MIA: variants seen among roughly 807,000 people sequenced by gnomAD.
MIA encodes the protein MIA SH3 domain containing.
MIA carries 18 observed loss-of-function variants against 18.5 expected under a neutral mutation model. The observed-to-expected ratio is 0.97, with a 90% CI of 0.67 to 1.44. The LOEUF is 1.44. Among genes scored for constraint, MIA ranks in the 40% most tolerant of loss-of-function variants. The pLI is 0.00. For missense variants in MIA, 158 were observed against 172.4 expected (o/e 0.92, Z 0.47); for synonymous variants, 55 against 64.9 (o/e 0.85, Z 0.74).
chr19:40,775,439 G>C, upstream of MIA: 3 of 1,567,464 alleles, frequency 1.9e-6, no homozygotes, highest in Non-Finnish European at 2.6e-6. Context: ...TTAGGGCGGG[G>C]ACAAGACCAA....
At position 40,775,562 on chromosome 19, in the gene MIA, G is replaced by A; in HGVS notation, c.20G>A (p.Cys7Tyr). The A allele has an allele frequency of 6.2e-7, 1 of 1,614,192 alleles. No homozygotes were observed. Among genetic ancestry groups the A allele is most frequent in the Non-Finnish European group, 8.5e-7 (1 of 1,180,030 alleles). MARSLV[C>Y]LGVIILLSAF... ...TCCACGATGGCCCGGTCCCTGGTGT[G>A]CCTTGGTGTCATCATCTTGCTGTCT... The change falls in exon 1 of 4, where the codon TGC becomes TAC. Residue 7 changes from cysteine (C) to tyrosine (Y), a missense_variant. Transcript: ENST00000263369.
intron 3 of MIA, 26 bp downstream of exon 3, chr19:40,777,105 A>C: frequency 1.3e-6 from 2 of 1,582,936 alleles, no homozygotes; most frequent in Non-Finnish European, 1.7e-6. Context: ...GCTGGCAAGA[A>C]ATGTGGGGGG....
chr19:40,776,678 G>A (rs562537892), intron 2 of MIA: 70 of 240,444 alleles, frequency 2.9e-4, no homozygotes, highest in African/African-American at 1.3e-3. Flanking sequence ...AGAAGTTGAG[G>A]CTGCAGTGAG....
chr19:40,775,180 C>T (rs2082987203), upstream of MIA: 1 of 201,480 alleles, frequency 5.0e-6, no homozygotes, highest in Admixed American at 5.4e-5. Flanking sequence ...TCCTCCGCTT[C>T]TGTGGCCAGA....
intron 2 of MIA, 130 bp from the exon 3 acceptor site, chr19:40,776,839 T>G (rs557574392): frequency 5.4e-5 from 34 of 630,874 alleles, no homozygotes; most frequent in Middle Eastern, 5.8e-4. Flanking sequence ...AGGTGGCATT[T>G]AAGCTGAGAT....
At chr19:40,775,967 G>C (rs2082993132) in intron 2 of MIA, 82 bp downstream of exon 2, 2 of 1,514,780 alleles carry the variant, frequency 1.3e-6, no homozygotes, top group African/African-American at 2.8e-5. Context: ...ATTTGAGGGG[G>C]GTGAACTGAA....
chr19:40,775,629 G>T lies in MIA; in HGVS notation c.87G>T (p.Lys29Asn). 1 of 1,614,174 alleles carries T rather than the reference G, an allele frequency of 6.2e-7. No individual in the cohort carries two copies. The highest frequency in any genetic ancestry group is 1.1e-5 in the South Asian group (1 of 91,086). The change falls in exon 1 of 4, where the codon AAG becomes AAT. Residue 29 changes from lysine to asparagine, a missense_variant. Physicochemically the swap from Lys to Asn is moderately conservative, Grantham distance 94. Coordinates refer to ENST00000263369, the MANE Select transcript of MIA (RefSeq NM_006533.4). ...GPGVRGGPMP[K>N]LADRKLCADQ... ...GTGTCAGGGGTGGTCCTATGCCCAA[G>T]CTGGCTGACCGGAAGCTGTGTGCGG... is the stretch of plus-strand genomic sequence containing the variant.
chr19:40,776,590 A>T (rs990947988), intron 2 of MIA, among the ~76,000 whole-genome samples: 7 of 152,048 alleles, frequency 4.6e-5, no homozygotes, highest in South Asian at 2.1e-4. Context: ...AAAAAAATTT[A>T]AAATTAACTG....
rs1012213560 is a variant in MIA, at chr19:40,777,332, C to A, written c.373-65C>A. On this transcript the variant is annotated intron_variant, in intron 3 of 3. Transcript: ENST00000263369. ...CCTGCAGCTGCAGCCTTTGCTAAAA[C>A]CACTAGATCCTTTGTGGTGTGACCG... 7.6e-6 allele frequency: 12 copies of A among 1,587,832 alleles called. No homozygotes were observed. In the African/African-American group the frequency reaches 1.3e-4, roughly 18 times the overall value.
chr19:40,777,080 G>T lies in MIA; in HGVS notation c.372+1G>T. ...TGGCAAAGTCGATGTGAAGACAGAC[G>T]TGAGTGTCATGGGGGCTGGCAAGAA... On this transcript the variant is annotated splice_donor_variant, in intron 3 of 3. Transcript: ENST00000263369. LOFTEE classifies it high-confidence loss of function. 6.2e-7 allele frequency: 1 copy of T among 1,610,296 alleles called. No homozygotes were observed. The highest frequency in any genetic ancestry group is 8.5e-7 in the Non-Finnish European group (1 of 1,178,064).
rs745398952 is a variant in MIA at position 40,775,796 on chromosome 19, G to T, written c.172G>T (p.Asp58Tyr). 1.4e-5 allele frequency: 23 copies of T among 1,613,902 alleles called. No individual in the cohort carries two copies. The highest frequency in any genetic ancestry group is 1.9e-5 in the Non-Finnish European group (22 of 1,180,024). The change falls in exon 2 of 4, where the codon GAC (aspartate) becomes TAC (tyrosine). Residue 58 changes from aspartate to tyrosine, a missense_variant. Transcript: ENST00000263369. Reference protein sequence around the residue: ...AVALQDYMAPDCRFLTIHRGQ... With the variant: ...AVALQDYMAPYCRFLTIHRGQ... ...GGCCCTTCAGGACTACATGGCCCCC[G>T]ACTGCCGATTCCTGACCATTCACCG...
intron 2 of MIA, among the ~76,000 whole-genome samples, chr19:40,776,577 T>TA (rs1247188320): frequency 1.3e-5 from 2 of 151,034 alleles, no homozygotes; most frequent in East Asian, 1.9e-4. Context: ...CCCATCTCTA[T>TA]AAAAAAAAAT....
rs922179326 is a variant in MIA, at chr19:40,777,475, A to G, written c.*55A>G. ...CCCTCCTTGGCTTTATGCAAATACA[A>G]TCAGCCCAGTGCAAACGGCTCGTCT... On this transcript the variant is annotated 3_prime_UTR_variant, in exon 4 of 4. Transcript: ENST00000263369. 7.7e-6 allele frequency: 12 copies of G among 1,550,634 alleles called. No homozygotes were observed. Among genetic ancestry groups the G allele is most frequent in the African/African-American group, 2.7e-5 (2 of 73,390 alleles).
rs2083005976 is a variant in MIA at position 40,777,395 on chromosome 19, A to C, written c.373-2A>C. On this transcript the variant is annotated splice_acceptor_variant, in intron 3 of 3. Coordinates refer to ENST00000263369, the MANE Select transcript of MIA (RefSeq NM_006533.4). LOFTEE classifies it high-confidence loss of function. ...CCACTGTTTCCCCTTTCTCTTTTTCAGAAATGGGATTTCTACTGCCAGTGA... is the reference window on the plus strand; with the variant it reads ...CCACTGTTTCCCCTTTCTCTTTTTCCGAAATGGGATTTCTACTGCCAGTGA... 1 of 1,613,850 alleles carries C rather than the reference A, an allele frequency of 6.2e-7. No homozygotes were observed. The highest frequency in any genetic ancestry group is 8.5e-7 in the Non-Finnish European group (1 of 1,179,962).
chr19:40,775,521 A>C lies in MIA; in HGVS notation c.-22A>C. The C allele has an allele frequency of 6.2e-7, 1 of 1,613,170 alleles. No homozygotes were observed. Among genetic ancestry groups the C allele is most frequent in the Non-Finnish European group, 8.5e-7 (1 of 1,179,664 alleles). ...TGGAGACCCCAGCACCCCCTTGCTC[A>C]CTCTCTTGCTCACAGTCCACGATGG... On this transcript the variant is annotated 5_prime_UTR_variant, in exon 1 of 4. Transcript: ENST00000263369.
chr19:40,777,150 T>G (rs2083003452), intron 3 of MIA, 71 bp downstream of exon 3: 3 of 1,368,680 alleles, frequency 2.2e-6, no homozygotes, highest in African/African-American at 1.4e-5. Flanking sequence ...GCAAAAATGC[T>G]CCCACACTTG....
rs1195603324 is a variant in MIA at position 40,777,039 on chromosome 19, A to G, written c.332A>G (p.Asp111Gly). The change falls in exon 3 of 4, where the codon GAC becomes GGC. Residue 111 changes from aspartate (D) to glycine (G), a missense_variant. Transcript: ENST00000263369. ...GYFPSSIVREDQTLKPGKVDV... is the reference protein window; with the variant it reads ...GYFPSSIVREGQTLKPGKVDV... ...TTCCCCAGTAGCATTGTCCGAGAGGACCAGACCCTGAAACCTGGCAAAGTC... is the reference window on the plus strand; with the variant it reads ...TTCCCCAGTAGCATTGTCCGAGAGGGCCAGACCCTGAAACCTGGCAAAGTC... 3 of 1,613,308 alleles carry G rather than the reference A, an allele frequency of 1.9e-6. No individual in the cohort carries two copies. The highest frequency in any genetic ancestry group is 2.5e-6 in the Non-Finnish European group (3 of 1,179,906).
rs140077816 is a variant in MIA at position 40,775,670 on chromosome 19, G to A, written c.127+1G>A. ...CTGTGTGCGGACCAGGAGTGCAGCC[G>A]TAAGAATGGGGAGGGGAGAATTGGG... is the stretch of plus-strand genomic sequence containing the variant. On this transcript the variant is annotated splice_donor_variant, in intron 1 of 3. Transcript: ENST00000263369. LOFTEE classifies it high-confidence loss of function. The A allele has an allele frequency of 6.8e-6, 11 of 1,614,032 alleles. No individual in the cohort carries two copies. Among genetic ancestry groups the A allele is most frequent in the East Asian group, 2.2e-5 (1 of 44,890 alleles).
chr19:40,776,737 G>A (rs1010042779), intron 2 of MIA: 4 of 405,596 alleles, frequency 9.9e-6, no homozygotes, highest in Non-Finnish European at 1.8e-5. Context: ...ATGAGACCCT[G>A]TTTCCAAAAT....
Sources: allele counts gnomAD v4.1 joint callset (sites outside exome capture counted in the v4.1 genomes callset), GRCh38; gene constraint gnomAD v4.1.1; transcripts MANE v1.5; gene names NCBI Gene and HGNC (gene_info 2026-07-23, HGNC 2026-07-21).